The following RBM28 variants were observed in gnomAD, a reference collection of about 807,000 sequenced individuals.
RBM28 encodes the protein RNA binding motif protein 28, also known as RNA-binding protein 28.
RBM28 carries 78 observed loss-of-function variants against 98.3 expected under a neutral mutation model. That is an observed-to-expected ratio of 0.79 (90% CI 0.66 to 0.96). RBM28 has a LOEUF of 0.96. Ranked by LOEUF, RBM28 falls within the 40% of genes least tolerant of loss-of-function variation. The probability of loss-of-function intolerance (pLI) is 0.00; values close to 1 mark genes in which losing one functional copy is unlikely to be tolerated. For missense variants in RBM28, 838 were observed against 913.0 expected (o/e 0.92, Z 1.06); for synonymous variants, 306 against 330.9 (o/e 0.92, Z 0.82).
intron 11 of RBM28, among the ~76,000 whole-genome samples, chr7:128,325,162 A>G (rs540536280): frequency 3.3e-5 from 5 of 152,376 alleles, no homozygotes; most frequent in African/African-American, 1.2e-4. Flanking sequence ...GTTTCAGCTC[A>G]GCTAGCTACA....
intron 18 of RBM28, among the ~76,000 whole-genome samples, chr7:128,311,448 T>C (rs1288652241): frequency 6.6e-6 from 1 of 152,080 alleles, no homozygotes; most frequent in Admixed American, 6.6e-5. Context: ...TGTTCAAGAA[T>C]GTAGGACCAC....
Position 128,329,256 on chromosome 7 carries a change from C to T in RBM28, c.1129+1563G>A, listed in dbSNP as rs182385676. On this transcript the variant is annotated intron_variant, in intron 10 of 18. Coordinates refer to ENST00000223073, the MANE Select transcript of RBM28 (RefSeq NM_018077.3). ...CTGGGATTACAGGCATGCGCCACCA[C>T]GCCCGGCTAATTTTGTATTTTTAGT... is the stretch of plus-strand genomic sequence containing the variant. 2.4e-3 allele frequency among the ~76,000 whole-genome samples: 358 copies of T among 152,264 alleles called. 1 individual carries two copies. The highest frequency in any genetic ancestry group is 7.1e-3 in the Admixed American group (108 of 15,308).
rs188011049 is a variant in RBM28, at chr7:128,343,659, G to A, written c.118+17C>T. 4 of 1,591,824 alleles carry A rather than the reference G, an allele frequency of 2.5e-6. No homozygotes were observed. Among genetic ancestry groups the A allele is most frequent in the South Asian group, 2.2e-5 (2 of 89,026 alleles). On this transcript the variant is annotated intron_variant, in intron 1 of 18. Transcript: ENST00000223073. ...CGCAGGAAACCCCAGCCCTATCCTC[G>A]ACCGCCCCGCCCCTACCTTTTTCAG...
intron 13 of RBM28, among the ~76,000 whole-genome samples, 167 bp downstream of exon 13, chr7:128,323,360 G>A (rs998602778): frequency 1.3e-5 from 2 of 152,226 alleles, no homozygotes; most frequent in African/African-American, 4.8e-5. Flanking sequence ...TATGTATGAT[G>A]TTGGGTTACT....
intron 13 of RBM28, among the ~76,000 whole-genome samples, chr7:128,322,705 A>C (rs1255256602): frequency 6.6e-6 from 1 of 152,158 alleles, no homozygotes; most frequent in Non-Finnish European, 1.5e-5. Flanking sequence ...GTGCCCTTAT[A>C]AAATTGAGGC....
At position 128,305,901 on chromosome 7, in the gene RBM28, A is replaced by G. The variant is rs767362638; in HGVS notation, c.*4896T>C. On this transcript the variant is annotated 3_prime_UTR_variant, in exon 19 of 19. Coordinates refer to ENST00000223073, the MANE Select transcript of RBM28 (RefSeq NM_018077.3). ...TAAAACTGGACAGGAAAGAAAGAGA[A>G]AATACATAAAACAAGGACAGGTTGT... The G allele has an allele frequency of 7.9e-5, 12 of 152,254 alleles. No homozygotes were observed. Among genetic ancestry groups the G allele is most frequent in the Non-Finnish European group, 1.5e-4 (10 of 68,062 alleles). The allele number at this position is 152,254 out of a possible 1,614,324, so 9.4% of individuals were successfully genotyped here. A position where few individuals can be genotyped will look rare whatever the true frequency, so the allele number is the denominator to read the frequency against.
chr7:128,335,892 T>A lies in RBM28; in HGVS notation c.764A>T (p.Glu255Val). The change falls in exon 7 of 19, where the codon GAG (glutamate) becomes GTG (valine). Residue 255 changes from glutamate (E) to valine (V), a missense_variant. By Grantham distance (121) the Glu-to-Val change is moderately radical. Coordinates refer to ENST00000223073, the MANE Select transcript of RBM28 (RefSeq NM_018077.3). ...CTTGGTCACCTTTGATTCTATATTC[T>A]CTTCCTCTTCATCTTCATCATCAAA... is the stretch of plus-strand genomic sequence containing the variant. The part of the protein sequence containing the change: ...GVFDDEDEEE[E>V]NIESKVTKPV... 6.2e-7 allele frequency: 1 copy of A among 1,613,890 alleles called. No homozygotes were observed. The highest frequency in any genetic ancestry group is 8.5e-7 in the Non-Finnish European group (1 of 1,179,788).
At position 128,313,404 on chromosome 7, in the gene RBM28, AC is replaced by A. The variant is rs1796030810; in HGVS notation, c.2046-131del. ...ATTCTAAAAAGGGATACTGCAACAG[AC>A]CCTCTGAAAGCTCAACATTTGTATA... On this transcript the variant is annotated intron_variant, in intron 17 of 18. Transcript: ENST00000223073. 4.5e-6 allele frequency: 4 copies of A among 893,548 alleles called. No individual in the cohort carries two copies. The East Asian group carries it at 1.0e-4, about 23-fold the overall frequency. The allele number at this position is 893,548 out of a possible 1,614,324, so 55.4% of individuals were successfully genotyped here. A position where few individuals can be genotyped will look rare whatever the true frequency, so the allele number is the denominator to read the frequency against.
chr7:128,323,342 T>C (rs1398702665), intron 13 of RBM28, among the ~76,000 whole-genome samples, 185 bp downstream of exon 13: 1 of 152,218 alleles, frequency 6.6e-6, no homozygotes, highest in African/African-American at 2.4e-5. Context: ...ACAAAACAGA[T>C]AGAATACTAT....
At chr7:128,312,731 GGATTTAATAT>G in intron 18 of RBM28, among the ~76,000 whole-genome samples, 1 of 152,064 alleles carries the variant, frequency 6.6e-6, no homozygotes, top group Non-Finnish European at 1.5e-5. Flanking sequence ...ATTTTAATAT[GGATTTAATAT>G]ATCATTTGTG....
chr7:128,340,832 ATAT>A (rs886906154), intron 1 of RBM28, among the ~76,000 whole-genome samples: 1 of 152,200 alleles, frequency 6.6e-6, no homozygotes, highest in Admixed American at 6.5e-5. Flanking sequence ...GGTAAAGCAA[ATAT>A]TATCACCCCT....
At chr7:128,330,706 C>G (rs1796461870) in intron 10 of RBM28, 113 bp downstream of exon 10, 1 of 815,056 alleles carries the variant, frequency 1.2e-6, no homozygotes, top group Middle Eastern at 2.4e-4. Flanking sequence ...GAAACCTGGG[C>G]TGGATGGACT....
At chr7:128,334,807 A>T (rs1027329758) in intron 8 of RBM28, among the ~76,000 whole-genome samples, 1 of 152,224 alleles carries the variant, frequency 6.6e-6, no homozygotes, top group Non-Finnish European at 1.5e-5. Flanking sequence ...TTAGGGAGGT[A>T]ACTGAGGCTA....
rs769481129 is a variant in RBM28, at chr7:128,310,893, G to A, written c.2184C>T (p.Thr728=). The stretch of plus-strand genomic sequence containing the variant: ...ATTGTTCGACCAGCTGGTTGAAGCG[G>A]GTTTCCGTCTTATTTCCCTTAGCTT... The part of the protein sequence containing the change: ...RKKAKGNKTE[T]RFNQLVEQYK... Residue 728 remains threonine, a synonymous_variant, in exon 19 of 19, where the codon ACC becomes ACT. Transcript: ENST00000223073. The A allele has an allele frequency of 1.2e-6, 2 of 1,613,784 alleles. No individual in the cohort carries two copies. The highest frequency in any genetic ancestry group is 1.6e-4 in the Middle Eastern group (1 of 6,062).
rs1554404695 is a variant in RBM28 at position 128,343,686 on chromosome 7, C to T, written c.108G>A (p.Val36=). 63 of 1,604,426 alleles carry T rather than the reference C, an allele frequency of 3.9e-5. No individual in the cohort carries two copies. In the South Asian group the frequency reaches 6.2e-4, roughly 16 times the overall value. Residue 36 remains valine, a synonymous_variant, in exon 1 of 19, where the codon GTG becomes GTA. Coordinates refer to ENST00000223073, the MANE Select transcript of RBM28 (RefSeq NM_018077.3). ...QVGPVKQCFV[V]TEKGSKACRG... is the part of the protein sequence containing the mutation. ...CCGCCCCGCCCCTACCTTTTTCAGT[C>T]ACCACGAAGCACTGCTTCACCGGCC...
chr7:128,337,288 A>C, intron 5 of RBM28, 86 bp from the exon 6 acceptor site: 11 of 1,325,542 alleles, frequency 8.3e-6, no homozygotes, highest in Non-Finnish European at 1.2e-5. Context: ...ACAGACAATA[A>C]TGGAACCAGT....
Position 128,333,355 on chromosome 7 carries a change from T to A in RBM28, c.954A>T (p.Gln318His), listed in dbSNP as rs1280858805. ...STEEQEDKAV[Q>H]VSNKKKRKLP... ...ATTTCCTCTTCTTTTTGTTTGAGACTTGCACAGCTAAGGTAAAAAGAAAAA... is the reference window on the plus strand; with the variant it reads ...ATTTCCTCTTCTTTTTGTTTGAGACATGCACAGCTAAGGTAAAAAGAAAAA... The change falls in exon 9 of 19, where the codon CAA becomes CAT. Residue 318 changes from glutamine (Q) to histidine (H), a missense_variant. By Grantham distance (24) the Gln-to-His change is conservative (BLOSUM62 0). Transcript: ENST00000223073. 6.3e-7 allele frequency: 1 copy of A among 1,597,714 alleles called. No individual in the cohort carries two copies. Among genetic ancestry groups the A allele is most frequent in the Non-Finnish European group, 8.6e-7 (1 of 1,165,150 alleles).
intron 18 of RBM28, 121 bp from the exon 19 acceptor site, chr7:128,311,052 T>C (rs900472840): frequency 1.0e-5 from 10 of 992,178 alleles, no homozygotes; most frequent in Admixed American, 4.1e-5. Context: ...CAGAAAGGGG[T>C]AGGTTTCTAG....
At chr7:128,328,882 T>C (rs1186028934) in intron 10 of RBM28, among the ~76,000 whole-genome samples, 3 of 152,064 alleles carry the variant, frequency 2.0e-5, no homozygotes, top group Non-Finnish European at 2.9e-5. Context: ...AATCACCCAG[T>C]CTATCTGTAG....
Sources: gnomAD v4.1 joint callset for allele counts (sites outside exome capture counted in the v4.1 genomes callset) on GRCh38, gnomAD v4.1.1 for gene constraint, MANE v1.5 for transcripts, NCBI Gene and HGNC (gene_info 2026-07-23, HGNC 2026-07-21) for gene names.